DCC: variants seen among roughly 807,000 people sequenced by gnomAD.
DCC encodes the protein netrin receptor DCC.
Under a neutral mutation model 172.5 loss-of-function variants are expected in DCC, and 58 were observed. The observed-to-expected ratio is 0.34, with a 90% confidence interval of 0.27 to 0.42. The LOEUF is 0.42. DCC is among the 10% of genes least tolerant of loss of function. The probability of loss-of-function intolerance (pLI) is 1.00; values close to 1 mark genes in which losing one functional copy is unlikely to be tolerated. For missense variants in DCC, 1,740 were observed against 1,791.0 expected (o/e 0.97, Z 0.51); for synonymous variants, 709 against 644.5 (o/e 1.10, Z -1.52).
intron 8 of DCC, among the ~76,000 whole-genome samples, chr18:53,165,296 G>GA (rs1229460643): frequency 2.6e-5 from 4 of 152,148 alleles, no homozygotes; most frequent in Admixed American, 1.3e-4. Flanking sequence ...TGCTGCCTCA[G>GA]AAAACCTCTG....
At chr18:52,562,337 T>C (rs1466031819) in intron 1 of DCC, among the ~76,000 whole-genome samples, 1 of 152,210 alleles carries the variant, frequency 6.6e-6, no homozygotes, top group Non-Finnish European at 1.5e-5. Flanking sequence ...GTAACAGACA[T>C]GAATTTTATA....
intron 1 of DCC, among the ~76,000 whole-genome samples, chr18:52,550,827 G>GA (rs1302759412): frequency 6.6e-6 from 1 of 152,036 alleles, no homozygotes; most frequent in African/African-American, 2.4e-5. Context: ...AATAATGGGA[G>GA]AAAATAGGTG....
chr18:52,957,427 AT>A (rs1376286763), intron 5 of DCC, among the ~76,000 whole-genome samples: 1 of 152,124 alleles, frequency 6.6e-6, no homozygotes, highest in African/African-American at 2.4e-5. Context: ...TATTAGTAGA[AT>A]TTTTTTCAGC....
intron 2 of DCC, among the ~76,000 whole-genome samples, chr18:52,766,233 C>A (rs2037250346): frequency 1.3e-5 from 2 of 152,204 alleles, no homozygotes; most frequent in South Asian, 2.1e-4. Context: ...CCAGCAGGAG[C>A]AAACTCTATG....
intron 2 of DCC, among the ~76,000 whole-genome samples, chr18:52,769,279 C>G (rs28592006): frequency 0.041 from 6,206 of 152,276 alleles, 209 homozygotes; most frequent in South Asian, 0.16. Flanking sequence ...TAATTAGACG[C>G]ATAGTGGTAT....
At chr18:52,921,970 AAT>A (rs1165507060) in intron 3 of DCC, among the ~76,000 whole-genome samples, 5 of 151,990 alleles carry the variant, frequency 3.3e-5, no homozygotes, top group Non-Finnish European at 7.4e-5. Context: ...ACTATTTGTA[AAT>A]ATATATTTTG....
chr18:52,981,717 A>G (rs561778792), intron 5 of DCC, among the ~76,000 whole-genome samples: 2 of 152,352 alleles, frequency 1.3e-5, no homozygotes, highest in African/African-American at 4.8e-5. Context: ...ATAACTCACT[A>G]TAAGTTTACT....
chr18:52,629,373 A>G (rs2034632772), intron 1 of DCC, among the ~76,000 whole-genome samples: 1 of 152,212 alleles, frequency 6.6e-6, no homozygotes, highest in South Asian at 2.1e-4. Context: ...TTTTAAGCTG[A>G]GAAAACAATG....
At chr18:52,565,370 T>A (rs1162211455) in intron 1 of DCC, among the ~76,000 whole-genome samples, 1 of 152,188 alleles carries the variant, frequency 6.6e-6, no homozygotes, top group Non-Finnish European at 1.5e-5. Flanking sequence ...ACGGGATTGC[T>A]GGATCAAATG....
chr18:53,483,817 A>C (rs2045866225), intron 25 of DCC, among the ~76,000 whole-genome samples: 1 of 151,832 alleles, frequency 6.6e-6, no homozygotes, highest in African/African-American at 2.4e-5. Flanking sequence ...ATTTTATTGG[A>C]GTGTTATCAC....
chr18:52,890,796 A>C (rs559355013), intron 2 of DCC, among the ~76,000 whole-genome samples: 1 of 152,186 alleles, frequency 6.6e-6, no homozygotes, highest in African/African-American at 2.4e-5. Context: ...CAAATCCCCA[A>C]ATTCTGAGGC....
chr18:52,441,658 C>T (rs545812295), intron 1 of DCC, among the ~76,000 whole-genome samples: 4 of 152,202 alleles, frequency 2.6e-5, no homozygotes, highest in African/African-American at 9.6e-5. Context: ...GAGGTATTTT[C>T]TAGTAAGGTT....
chr18:53,152,001 A>T (rs2054649250), intron 7 of DCC, among the ~76,000 whole-genome samples: 1 of 152,176 alleles, frequency 6.6e-6, no homozygotes, highest in Non-Finnish European at 1.5e-5. Flanking sequence ...AACAAGAAAA[A>T]AAAATCAAAA....
intron 7 of DCC, among the ~76,000 whole-genome samples, chr18:53,128,870 CATATATAT>C (rs367907467): frequency 0.029 from 2,234 of 77,382 alleles, 53 homozygotes; most frequent in South Asian, 0.1. Flanking sequence ...CACACACACA[CATATATAT>C]ATATATATAT....
At chr18:53,506,443 A>T (rs1259578277) in intron 27 of DCC, among the ~76,000 whole-genome samples, 1 of 152,208 alleles carries the variant, frequency 6.6e-6, no homozygotes, top group Non-Finnish European at 1.5e-5. Context: ...AGCCAAATAA[A>T]TTGCATAGAG....
chr18:52,376,159 T>C (rs1043132920), intron 1 of DCC, among the ~76,000 whole-genome samples: 20 of 152,190 alleles, frequency 1.3e-4, no homozygotes, highest in African/African-American at 4.8e-4. Flanking sequence ...ATAAAATAAC[T>C]CTGGATTGTA....
chr18:52,485,172 T>C (rs2030156147), intron 1 of DCC, among the ~76,000 whole-genome samples: 1 of 152,052 alleles, frequency 6.6e-6, no homozygotes, highest in Non-Finnish European at 1.5e-5. Flanking sequence ...CTGGACTGTG[T>C]ATGGTGCTGC....
intron 1 of DCC, among the ~76,000 whole-genome samples, chr18:52,727,017 A>G (rs1339735940): frequency 6.6e-6 from 1 of 152,170 alleles, no homozygotes; most frequent in African/African-American, 2.4e-5. Context: ...CTAAGAGTCT[A>G]ATAAGTAGGG....
chr18:52,933,337 C>T (rs961641531), intron 5 of DCC, among the ~76,000 whole-genome samples: 1 of 150,376 alleles, frequency 6.6e-6, no homozygotes, highest in East Asian at 2.0e-4. Context: ...CTAACAAGGC[C>T]GAAGAGCTGT....
Sources: gnomAD v4.1 joint callset for allele counts (sites outside exome capture counted in the v4.1 genomes callset) on GRCh38, gnomAD v4.1.1 for gene constraint, MANE v1.5 for transcripts, NCBI Gene and HGNC (gene_info 2026-07-23, HGNC 2026-07-21) for gene names.